CHIA: variants seen among roughly 807,000 people sequenced by gnomAD.
CHIA encodes the protein acidic mammalian chitinase.
Under a neutral mutation model 53.5 loss-of-function variants are expected in CHIA, and 47 were observed. That is an observed-to-expected ratio of 0.88 (90% CI 0.70 to 1.12). The LOEUF is 1.12. CHIA is among the 50% of genes most tolerant of loss of function. The pLI, the probability that CHIA is intolerant of heterozygous loss-of-function variation, is 0.00. For missense variants in CHIA, 652 were observed against 592.2 expected, an observed-to-expected ratio of 1.10 and a Z score of -1.05; for synonymous variants, 268 against 222.2, an observed-to-expected ratio of 1.21 and a Z score of -1.83.
intron 9 of CHIA, 94 bp from the exon 10 acceptor site, chr1:111,319,026 C>A: frequency 6.8e-7 from 1 of 1,472,232 alleles, no homozygotes. Context: ...TGAGCAAAAC[C>A]CCAACTGGAG....
intron 1 of CHIA, among the ~76,000 whole-genome samples, chr1:111,297,745 G>A (rs1647294420): frequency 1.3e-5 from 2 of 151,982 alleles, no homozygotes; most frequent in Admixed American, 1.3e-4. Context: ...AAATGTAAAT[G>A]GGCTAACTGC....
rs918917475 is a variant in CHIA, at chr1:111,315,498, T to C, written c.480+63T>C. ...TCAAAGTCTTTCTTTCCGAGGAGAA[T>C]TGGGTGGCTCTAGGGTAAAACAAAA... On this transcript the variant is annotated intron_variant, in intron 6 of 11. Transcript: ENST00000369740. 13 of 1,550,056 alleles carry C rather than the reference T, an allele frequency of 8.4e-6. No individual in the cohort carries two copies. In the African/African-American group the frequency reaches 1.4e-4, roughly 16 times the overall value.
At chr1:111,292,630 TC>T (rs1377315835) in intron 1 of CHIA, among the ~76,000 whole-genome samples, 1 of 152,200 alleles carries the variant, frequency 6.6e-6, no homozygotes. Flanking sequence ...AGTGTACAGT[TC>T]GGTGGTACTA....
chr1:111,319,136 A>G lies in CHIA; in HGVS notation c.932A>G (p.Lys311Arg). 1.2e-6 allele frequency: 2 copies of G among 1,613,912 alleles called. No homozygotes were observed. Among genetic ancestry groups the G allele is most frequent in the Non-Finnish European group, 1.7e-6 (2 of 1,179,998 alleles). Reference protein sequence around the residue: ...WAYYEICTFLKNGATQGWDAP... With the variant: ...WAYYEICTFLRNGATQGWDAP... ...TTTTGAAAGATCTGTACCTTCCTGA[A>G]AAATGGAGCCACTCAGGGATGGGAT... The change falls in exon 10 of 12, where the codon AAA becomes AGA. Residue 311 changes from lysine (K) to arginine (R), a missense_variant. Physicochemically the swap from Lys to Arg is conservative, Grantham distance 26 (BLOSUM62 2). Coordinates refer to ENST00000369740, the MANE Select transcript of CHIA (RefSeq NM_201653.4).
chr1:111,293,595 G>A (rs1366069938), intron 1 of CHIA, among the ~76,000 whole-genome samples: 1 of 152,144 alleles, frequency 6.6e-6, no homozygotes, highest in Non-Finnish European at 1.5e-5. Context: ...TATTCATGAA[G>A]TCCAATTTGT....
intron 2 of CHIA, among the ~76,000 whole-genome samples, chr1:111,311,151 AAACAATCAGAGTAG>A (rs1648632528): frequency 6.6e-6 from 1 of 152,226 alleles, no homozygotes; most frequent in African/African-American, 2.4e-5. Flanking sequence ...TCAATTTATA[AAACAATCAGAGTAG>A]AAGAATTGCT....
chr1:111,294,411 C>T (rs1030774539), intron 1 of CHIA, among the ~76,000 whole-genome samples: 2 of 151,664 alleles, frequency 1.3e-5, no homozygotes, highest in African/African-American at 2.4e-5. Context: ...ACTTTGTAAC[C>T]TGTTATTTTG....
At chr1:111,317,612 T>C in intron 6 of CHIA, 69 bp from the exon 7 acceptor site, 1 of 1,543,462 alleles carries the variant, frequency 6.5e-7, no homozygotes, top group Non-Finnish European at 8.9e-7. Context: ...CAGACATATG[T>C]TTATTAGTAT....
chr1:111,317,633 GC>G, intron 6 of CHIA, 47 bp from the exon 7 acceptor site: 1 of 1,606,142 alleles, frequency 6.2e-7, no homozygotes, highest in East Asian at 2.2e-5. Flanking sequence ...TATTTAAGGA[GC>G]TAAAATCAGC....
intron 1 of CHIA, among the ~76,000 whole-genome samples, chr1:111,301,817 T>C (rs555029900): frequency 6.6e-6 from 1 of 150,824 alleles, no homozygotes; most frequent in Non-Finnish European, 1.5e-5. Context: ...GAAAACCATA[T>C]ACCGCATGTT....
intron 5 of CHIA, chr1:111,314,996 A>T: frequency 2.3e-6 from 1 of 433,850 alleles, no homozygotes; most frequent in Non-Finnish European, 4.1e-6. Flanking sequence ...GGGAGGGAAC[A>T]CAGTGTGCTG....
At chr1:111,312,889 G>T (rs1193837849) in intron 4 of CHIA, among the ~76,000 whole-genome samples, 1 of 150,998 alleles carries the variant, frequency 6.6e-6, no homozygotes, top group African/African-American at 2.4e-5. Flanking sequence ...ACTTATAAGT[G>T]AGATCATGTG....
At chr1:111,315,578 G>A (rs41282500) in intron 6 of CHIA, 143 bp downstream of exon 6, 103,388 of 843,276 alleles carry the variant, frequency 0.12, 7,441 homozygotes, top group Non-Finnish European at 0.14. Context: ...TATATCGTGC[G>A]TTCATTAAAC....
At chr1:111,293,008 C>T (rs1661118486) in intron 1 of CHIA, among the ~76,000 whole-genome samples, 1 of 151,478 alleles carries the variant, frequency 6.6e-6, no homozygotes, top group Admixed American at 6.6e-5. Flanking sequence ...GAGTTGCTTG[C>T]ATGTTTTAGC....
At chr1:111,308,321 C>T (rs1443097095) in intron 1 of CHIA, among the ~76,000 whole-genome samples, 2 of 152,160 alleles carry the variant, frequency 1.3e-5, no homozygotes, top group African/African-American at 4.8e-5. Context: ...TTTTGCAAAT[C>T]CTTGACTTTG....
At chr1:111,295,582 ACGCAGAAGACAGGTGATTTC>A (rs1380613417) in intron 1 of CHIA, among the ~76,000 whole-genome samples, 2 of 151,936 alleles carry the variant, frequency 1.3e-5, no homozygotes, top group Non-Finnish European at 2.9e-5. Flanking sequence ...AGTGTGATCA[ACGCAGAAGACAGGTGATTTC>A]TGCATTTTCA....
intron 2 of CHIA, among the ~76,000 whole-genome samples, chr1:111,311,134 C>T (rs949658570): frequency 1.3e-5 from 2 of 152,168 alleles, no homozygotes; most frequent in East Asian, 1.9e-4. Flanking sequence ...CAAATGAAAC[C>T]TCAAGCTCAA....
intron 1 of CHIA, among the ~76,000 whole-genome samples, chr1:111,299,101 C>T (rs1056737576): frequency 2.6e-5 from 4 of 152,022 alleles, no homozygotes; most frequent in Non-Finnish European, 5.9e-5. Context: ...AATTAAGAGC[C>T]TACCAACCAG....
At chr1:111,304,273 C>T (rs1378672072) in intron 1 of CHIA, among the ~76,000 whole-genome samples, 1 of 152,112 alleles carries the variant, frequency 6.6e-6, no homozygotes, top group African/African-American at 2.4e-5. Flanking sequence ...ATATACATGT[C>T]TTTCATCAAA....
Sources: gnomAD v4.1 joint callset for allele counts (sites outside exome capture counted in the v4.1 genomes callset) on GRCh38, gnomAD v4.1.1 for gene constraint, MANE v1.5 for transcripts, NCBI Gene and HGNC (gene_info 2026-07-23, HGNC 2026-07-21) for gene names.